The following PRLR variants were observed in gnomAD, a reference collection of about 807,000 sequenced individuals.
PRLR encodes hPRL receptor.
PRLR carries 13 observed loss-of-function variants against 40.2 expected under a neutral mutation model. The observed-to-expected ratio is 0.32, with a 90% confidence interval of 0.21 to 0.51. The LOEUF is 0.51. PRLR is among the 20% of genes least tolerant of loss of function. The probability of loss-of-function intolerance (pLI) is 0.97; values close to 1 mark genes in which losing one functional copy is unlikely to be tolerated. For synonymous variants in PRLR, 269 were observed against 278.7 expected, an observed-to-expected ratio of 0.97 and a Z score of 0.35; for missense variants, 656 against 747.3, an observed-to-expected ratio of 0.88 and a Z score of 1.42.
chr5:35,114,923 C>T (rs1045903770), intron 2 of PRLR, among the ~76,000 whole-genome samples: 2 of 152,204 alleles, frequency 1.3e-5, no homozygotes, highest in African/African-American at 4.8e-5. Flanking sequence ...GTTCCTTCTA[C>T]TCTTCTCTAT....
intron 1 of PRLR, among the ~76,000 whole-genome samples, chr5:35,162,049 C>T (rs6451185): frequency 0.85 from 129,005 of 152,192 alleles, 56,633 homozygotes; most frequent in Non-Finnish European, 0.96. Context: ...ACGTGATTCA[C>T]AGTCACAATA....
chr5:35,110,230 G>A (rs541467740), intron 2 of PRLR, among the ~76,000 whole-genome samples: 1 of 152,242 alleles, frequency 6.6e-6, no homozygotes, highest in East Asian at 1.9e-4. Flanking sequence ...GATGGGGGGA[G>A]GGGGTGATAG....
At position 35,175,147 on chromosome 5, in the gene PRLR, T is replaced by A. The variant is rs568957043; in HGVS notation, c.-106+55121A>T. Among the ~76,000 whole-genome samples the A allele has an allele frequency of 2.6e-5, 4 of 152,232 alleles. No homozygotes were observed. The South Asian group carries it at 6.2e-4, about 24-fold the overall frequency. On this transcript the variant is annotated intron_variant, in intron 1 of 9. Transcript: ENST00000618457. Reference sequence around the variant, plus strand: ...GCTCTGTGTCCCCACCCAAATCTCATCTTGTAGCCCCCATAATGCGCACGT... The same window carrying A: ...GCTCTGTGTCCCCACCCAAATCTCAACTTGTAGCCCCCATAATGCGCACGT...
chr5:35,106,734 T>C (rs1351228286), intron 2 of PRLR, among the ~76,000 whole-genome samples: 1 of 152,146 alleles, frequency 6.6e-6, no homozygotes. Context: ...AGCAAGTCCT[T>C]AGAGACCTGC....
At chr5:35,124,122 G>A (rs1773380205) in intron 1 of PRLR, among the ~76,000 whole-genome samples, 2 of 152,158 alleles carry the variant, frequency 1.3e-5, no homozygotes, top group African/African-American at 4.8e-5. Context: ...TCAAAAAAAT[G>A]TATCCAAAGG....
chr5:35,066,533 TTTCCTTCTG>T (rs936918397), intron 9 of PRLR, among the ~76,000 whole-genome samples: 1 of 152,018 alleles, frequency 6.6e-6, no homozygotes, highest in Non-Finnish European at 1.5e-5. Flanking sequence ...ATTCTTGTCT[TTTCCTTCTG>T]TGGTTCATCT....
intron 4 of PRLR, among the ~76,000 whole-genome samples, chr5:35,085,404 C>T (rs1226304221): frequency 2.6e-5 from 4 of 152,292 alleles, no homozygotes; most frequent in East Asian, 3.9e-4. Context: ...TAAATATTTT[C>T]CTTTCTGAAG....
exon 9 of PRLR, chr5:35,048,974 C>G (rs1241217350): frequency 2.7e-5 from 11 of 405,452 alleles, no homozygotes; most frequent in Non-Finnish European, 5.4e-5. Flanking sequence ...TGGCCACATC[C>G]TTCACAAACA....
chr5:35,214,462 T>C lies in PRLR; in HGVS notation c.-106+15806A>G, dbSNP rs536067861. Among the ~76,000 whole-genome samples the C allele has an allele frequency of 2.0e-5, 3 of 152,370 alleles. No homozygotes were observed. In the East Asian group the frequency reaches 5.8e-4, roughly 29 times the overall value. On this transcript the variant is annotated intron_variant, in intron 1 of 9. Transcript: ENST00000618457. The stretch of plus-strand genomic sequence containing the variant: ...TGCCACAGGAAAAGGGGCAAACGCA[T>C]TGAGGATCAACTATAGATGAGAAGT...
At chr5:35,166,383 A>T (rs1417424126) in intron 1 of PRLR, among the ~76,000 whole-genome samples, 1 of 152,196 alleles carries the variant, frequency 6.6e-6, no homozygotes, top group Non-Finnish European at 1.5e-5. Flanking sequence ...ATTTTGTAAT[A>T]ACAATGTACA....
In PRLR at chr5:35,056,851, T is replaced by A. The variant is rs928649046; in HGVS notation, c.*8238A>T. 5 of 152,258 alleles carry A rather than the reference T, an allele frequency of 3.3e-5. No homozygotes were observed. In the East Asian group the frequency reaches 9.7e-4, roughly 29 times the overall value. 9.4% of individuals were successfully genotyped at this position (152,258 alleles called of 1,614,324 possible). On this transcript the variant is annotated 3_prime_UTR_variant, in exon 10 of 10. Transcript: ENST00000618457. Reference sequence around the variant, plus strand: ...ATGATACTCAAGTAAGAAAGAAATTTCTCATTCTTCTGTAAGACATGGAAT... The same window carrying A: ...ATGATACTCAAGTAAGAAAGAAATTACTCATTCTTCTGTAAGACATGGAAT...
rs149573195 is a variant in PRLR at position 35,130,882 on chromosome 5, C to T, written c.-105-12760G>A. On this transcript the variant is annotated intron_variant, in intron 1 of 9. Transcript: ENST00000618457. ...ACGGGGAGGACACCTTGGAAAACAG[C>T]GGCAGAGATCGGAGTGATGCAGCTA... Among the ~76,000 whole-genome samples, 12 of 152,170 alleles carry T rather than the reference C, an allele frequency of 7.9e-5. No individual in the cohort carries two copies. In the East Asian group the frequency reaches 9.7e-4, roughly 12 times the overall value.
intron 2 of PRLR, among the ~76,000 whole-genome samples, chr5:35,111,845 AG>A (rs1428222449): frequency 6.6e-6 from 1 of 152,226 alleles, no homozygotes; most frequent in Admixed American, 6.5e-5. Context: ...ATATATTGGG[AG>A]TAGTTGTTTC....
chr5:35,110,770 A>G (rs182773185), intron 2 of PRLR, among the ~76,000 whole-genome samples: 65 of 152,324 alleles, frequency 4.3e-4, no homozygotes, highest in Admixed American at 6.5e-4. Context: ...TATAGCTGCC[A>G]GGAAAATGTG....
intron 1 of PRLR, among the ~76,000 whole-genome samples, chr5:35,171,769 G>A (rs1182680616): frequency 2.0e-5 from 3 of 152,024 alleles, no homozygotes. Flanking sequence ...GTGAGTCTGG[G>A]GCCTGCTTAA....
intron 1 of PRLR, among the ~76,000 whole-genome samples, chr5:35,145,320 G>C (rs546563866): frequency 1.6e-4 from 24 of 152,224 alleles, no homozygotes; most frequent in African/African-American, 5.8e-4. Flanking sequence ...TTCTCTCCAG[G>C]GTCTGCTCCT....
At chr5:35,171,559 G>C (rs1774997579) in intron 1 of PRLR, among the ~76,000 whole-genome samples, 1 of 152,234 alleles carries the variant, frequency 6.6e-6, no homozygotes, top group South Asian at 2.1e-4. Context: ...CTAGACAGGG[G>C]AAAGGAGATG....
At chr5:35,166,235 G>T (rs1446398328) in intron 1 of PRLR, among the ~76,000 whole-genome samples, 1 of 152,064 alleles carries the variant, frequency 6.6e-6, no homozygotes, top group African/African-American at 2.4e-5. Context: ...AAGGCTTCAT[G>T]GTCATGTCCC....
intron 1 of PRLR, among the ~76,000 whole-genome samples, chr5:35,123,947 A>C (rs1773374342): frequency 6.6e-6 from 1 of 152,172 alleles, no homozygotes; most frequent in East Asian, 1.9e-4. Flanking sequence ...ATTTGTGTTT[A>C]ATTTCTGAAA....
Sources: gnomAD v4.1 joint callset for allele counts (sites outside exome capture counted in the v4.1 genomes callset) on GRCh38, gnomAD v4.1.1 for gene constraint, MANE v1.5 for transcripts, NCBI Gene and HGNC (gene_info 2026-07-23, HGNC 2026-07-21) for gene names.